Variants in TOMM70 observed in about 807,000 individuals in gnomAD.
TOMM70 encodes mitochondrial import receptor subunit TOM70.
In TOMM70, 13 loss-of-function variants were observed where a neutral mutation model predicts 73.6. The ratio of observed to expected loss-of-function variants is 0.18; its 90% CI spans 0.11 to 0.28. TOMM70 has a LOEUF of 0.28. Ranked by LOEUF, TOMM70 falls within the 10% of genes least tolerant of loss-of-function variation. The pLI is 1.00. For missense variants in TOMM70, 609 were observed against 747.5 expected, an observed-to-expected ratio of 0.81 and a Z score of 2.16; for synonymous variants, 257 against 271.2, an observed-to-expected ratio of 0.95 and a Z score of 0.51.
chr3:100,381,075 T>C (rs973885944), intron 5 of TOMM70, among the ~76,000 whole-genome samples: 13 of 152,122 alleles, frequency 8.5e-5, no homozygotes, highest in Non-Finnish European at 1.5e-4. Context: ...TATACGACAT[T>C]ATATCATTAG....
At chr3:100,365,764 A>C in intron 11 of TOMM70, 47 bp from the exon 12 acceptor site, 1 of 1,605,340 alleles carries the variant, frequency 6.2e-7, no homozygotes, top group African/African-American at 1.3e-5. Flanking sequence ...AGCACTTCAC[A>C]ATATTCAATG....
intron 7 of TOMM70, among the ~76,000 whole-genome samples, chr3:100,374,515 T>C (rs1241585999): frequency 6.6e-6 from 1 of 152,240 alleles, no homozygotes; most frequent in African/African-American, 2.4e-5. Context: ...AAAGCCATGT[T>C]TTCCCCACTT....
intron 9 of TOMM70, among the ~76,000 whole-genome samples, chr3:100,371,670 T>C (rs1276264419): frequency 6.6e-6 from 1 of 152,196 alleles, no homozygotes; most frequent in African/African-American, 2.4e-5. Context: ...ATAAATTACA[T>C]AGAGCAGCAG....
At chr3:100,397,522 T>A (rs1706838251) in intron 1 of TOMM70, among the ~76,000 whole-genome samples, 1 of 151,298 alleles carries the variant, frequency 6.6e-6, no homozygotes, top group Admixed American at 6.6e-5. Context: ...CAAAAATAAA[T>A]CATTTTAAAG....
intron 1 of TOMM70, 43 bp downstream of exon 1, chr3:100,400,583 C>A: frequency 6.3e-7 from 1 of 1,586,548 alleles, no homozygotes; most frequent in Non-Finnish European, 8.6e-7. Flanking sequence ...GGAAAAGCTG[C>A]ACGAGCCAGT....
At chr3:100,382,723 A>G (rs1023239945) in intron 4 of TOMM70, among the ~76,000 whole-genome samples, 1 of 152,218 alleles carries the variant, frequency 6.6e-6, no homozygotes, top group Non-Finnish European at 1.5e-5. Context: ...TCAGCTTAGA[A>G]ATGAAGCTAT....
At chr3:100,385,330 A>G (rs147792781) in intron 3 of TOMM70, among the ~76,000 whole-genome samples, 117 of 152,350 alleles carry the variant, frequency 7.7e-4, no homozygotes, top group African/African-American at 2.8e-3. Context: ...TTCAAAACTC[A>G]GGATTCCCTT....
intron 1 of TOMM70, among the ~76,000 whole-genome samples, chr3:100,399,013 G>T (rs901472868): frequency 1.3e-5 from 2 of 152,132 alleles, no homozygotes; most frequent in Admixed American, 1.3e-4. Context: ...CGGGCGCGGT[G>T]GCTCACGCCT....
chr3:100,365,440 T>C lies in TOMM70; in HGVS notation c.*124A>G. The C allele has an allele frequency of 7.1e-7, 1 of 1,417,010 alleles. No individual in the cohort carries two copies. The highest frequency in any genetic ancestry group is 2.1e-5 in the Admixed American group (1 of 46,858). The allele number at this position is 1,417,010 out of a possible 1,614,324, so 87.8% of individuals were successfully genotyped here. The stretch of plus-strand genomic sequence containing the variant: ...CTAGACATGAAACAGATGTAACAAA[T>C]AACAACACCACAAACAGAAATACTG... On this transcript the variant is annotated 3_prime_UTR_variant, in exon 12 of 12. Transcript: ENST00000284320.
chr3:100,401,068 G>T lies in TOMM70; in HGVS notation c.-119C>A. 8.8e-7 allele frequency: 1 copy of T among 1,131,920 alleles called. No individual in the cohort carries two copies. Among genetic ancestry groups the T allele is most frequent in the Non-Finnish European group, 1.3e-6 (1 of 796,338 alleles). 70.1% of individuals were successfully genotyped at this position (1,131,920 alleles called of 1,614,324 possible). On this transcript the variant is annotated 5_prime_UTR_variant, in exon 1 of 12. The change creates a new upstream start codon in the 5' untranslated region. Coordinates refer to ENST00000284320, the MANE Select transcript of TOMM70 (RefSeq NM_014820.5). Reference sequence around the variant, plus strand: ...AATGAGCGAGCGAGCACGCTAGGCAGAGAGAGCGGACGACAGAAAAGGGCC... The same window carrying T: ...AATGAGCGAGCGAGCACGCTAGGCATAGAGAGCGGACGACAGAAAAGGGCC...
chr3:100,375,206 T>A, intron 6 of TOMM70, 54 bp from the exon 7 acceptor site: 1 of 1,475,994 alleles, frequency 6.8e-7, no homozygotes, highest in Middle Eastern at 1.8e-4. Flanking sequence ...CCCTCCAATC[T>A]AGTTTCTTTA....
chr3:100,399,252 C>T (rs1208774569), intron 1 of TOMM70, among the ~76,000 whole-genome samples: 2 of 150,004 alleles, frequency 1.3e-5, no homozygotes, highest in African/African-American at 4.9e-5. Flanking sequence ...GCACTCCAGC[C>T]TGGGCAACAA....
intron 1 of TOMM70, 119 bp downstream of exon 1, chr3:100,400,507 A>G (rs1706883016): frequency 1.7e-6 from 2 of 1,168,382 alleles, no homozygotes; most frequent in Non-Finnish European, 2.5e-6. Context: ...CCTAAACCCA[A>G]GTGTTGTGCT....
At chr3:100,376,917 G>C (rs1036494204) in intron 6 of TOMM70, among the ~76,000 whole-genome samples, 2 of 151,930 alleles carry the variant, frequency 1.3e-5, no homozygotes, top group African/African-American at 4.8e-5. Context: ...GTAATCATCA[G>C]GAAAATCAGC....
At chr3:100,383,202 C>G (rs1332203811) in intron 4 of TOMM70, among the ~76,000 whole-genome samples, 2 of 152,022 alleles carry the variant, frequency 1.3e-5, no homozygotes, top group Admixed American at 1.3e-4. Flanking sequence ...TTACGAGATG[C>G]TCGAGAGAAA....
At chr3:100,388,093 A>C (rs1226679014) in intron 1 of TOMM70, among the ~76,000 whole-genome samples, 2 of 152,212 alleles carry the variant, frequency 1.3e-5, no homozygotes, top group African/African-American at 4.8e-5. Context: ...ATGAACTTAA[A>C]ATCTTCCATT....
At chr3:100,372,473 A>T (rs536683301) in intron 9 of TOMM70, 133 bp downstream of exon 9, 4 of 678,764 alleles carry the variant, frequency 5.9e-6, no homozygotes. Flanking sequence ...ACCAGGGGCC[A>T]TGAGAATCAA....
At chr3:100,390,693 G>T (rs1706749404) in intron 1 of TOMM70, among the ~76,000 whole-genome samples, 1 of 152,146 alleles carries the variant, frequency 6.6e-6, no homozygotes, top group South Asian at 2.1e-4. Flanking sequence ...GCCAGGTGTG[G>T]TGGCGAGCGC....
At chr3:100,376,588 A>ATTT (rs397948694) in intron 6 of TOMM70, among the ~76,000 whole-genome samples, 34 of 143,916 alleles carry the variant, frequency 2.4e-4, no homozygotes, top group South Asian at 1.5e-3. Flanking sequence ...CGTCCAATCT[A>ATTT]TTTTTTTTTT....
Sources: gnomAD v4.1 joint callset for allele counts (sites outside exome capture counted in the v4.1 genomes callset) on GRCh38, gnomAD v4.1.1 for gene constraint, MANE v1.5 for transcripts, NCBI Gene and HGNC (gene_info 2026-07-23, HGNC 2026-07-21) for gene names.